Variants in RDH10 observed in about 807,000 individuals in gnomAD.
RDH10 encodes retinol dehydrogenase 10, also known as retinol dehydrogenase 10 (all-trans).
RDH10 carries 12 observed loss-of-function variants against 30.2 expected under a neutral mutation model. The ratio of observed to expected loss-of-function variants is 0.40; its 90% CI spans 0.25 to 0.64. The LOEUF is 0.64. Among genes scored for constraint, RDH10 ranks in the 30% least tolerant of loss-of-function variants. RDH10 has a pLI of 0.43. For synonymous variants in RDH10, 189 were observed against 172.2 expected, an observed-to-expected ratio of 1.10 and a Z score of -0.76; for missense variants, 268 against 445.2, an observed-to-expected ratio of 0.60 and a Z score of 3.58.
chr8:73,320,587 C>T (rs992037737), intron 3 of RDH10, among the ~76,000 whole-genome samples: 14 of 152,092 alleles, frequency 9.2e-5, no homozygotes, highest in African/African-American at 3.1e-4. Flanking sequence ...TCTCCTGCCT[C>T]AGCCTCCTGA....
rs922940333 is a variant in RDH10, at chr8:73,312,077, T to C, written c.526-7019T>C. Reference sequence around the variant, plus strand: ...TTGGTCAGTATACTTAATAAGTAGATACCTTTAGAGGTACTTTAGCCATAT... The same window carrying C: ...TTGGTCAGTATACTTAATAAGTAGACACCTTTAGAGGTACTTTAGCCATAT... On this transcript the variant is annotated intron_variant, in intron 2 of 5. Coordinates refer to ENST00000240285, the MANE Select transcript of RDH10 (RefSeq NM_172037.5). 5.9e-5 allele frequency: 9 copies of C among 152,338 alleles called. No individual in the cohort carries two copies. The East Asian group carries it at 1.3e-3, about 23-fold the overall frequency. 9.4% of individuals were successfully genotyped at this position (152,338 alleles called of 1,614,324 possible).
At chr8:73,295,765 C>G in intron 1 of RDH10, 187 bp downstream of exon 1, 1 of 933,826 alleles carries the variant, frequency 1.1e-6, no homozygotes, top group Non-Finnish European at 1.5e-6. Flanking sequence ...TCTGTATTAC[C>G]AGGGAGAAGG....
Position 73,295,271 on chromosome 8 carries a change from CG to C in RDH10, c.-15del. Reference sequence around the variant, plus strand: ...CGCGGACGCAGGCACTGGGCTCGTGCGGGGCCCCGGGCGTCGCGATGAACAT... The same window carrying C: ...CGCGGACGCAGGCACTGGGCTCGTGCGGGCCCCGGGCGTCGCGATGAACAT... On this transcript the variant is annotated 5_prime_UTR_variant, in exon 1 of 6. Transcript: ENST00000240285. The C allele has an allele frequency of 6.5e-7, 1 of 1,543,324 alleles. No homozygotes were observed. The highest frequency in any genetic ancestry group is 8.7e-7 in the Non-Finnish European group (1 of 1,148,560).
rs776033179 is a variant in RDH10 at position 73,297,236 on chromosome 8, A to C, written c.332A>C (p.Gln111Pro). The part of the protein sequence containing the change: ...EEEILPHCNL[Q>P]VFTYTCDVGK... ...GAAATTCTGCCCCACTGTAACTTGCAGGTTTTTACCTACACCTGTGACGTG... is the reference window on the plus strand; with the variant it reads ...GAAATTCTGCCCCACTGTAACTTGCCGGTTTTTACCTACACCTGTGACGTG... The change falls in exon 2 of 6, where the codon CAG (glutamine) becomes CCG (proline). Residue 111 changes from glutamine (Q) to proline (P), a missense_variant. Around this residue, in one of 4 missense-constraint regions of RDH10, gnomAD observed 46 missense variants for 36.7 expected, o/e 1.25. Transcript: ENST00000240285. 6.2e-7 allele frequency: 1 copy of C among 1,614,018 alleles called. No homozygotes were observed. Among genetic ancestry groups the C allele is most frequent in the East Asian group, 2.2e-5 (1 of 44,878 alleles).
At chr8:73,299,254 G>T (rs970503357) in intron 2 of RDH10, among the ~76,000 whole-genome samples, 1 of 152,174 alleles carries the variant, frequency 6.6e-6, no homozygotes, top group Non-Finnish European at 1.5e-5. Context: ...TGTGTGTTGT[G>T]TTCAGTGGGG....
chr8:73,317,023 TCTC>T, intron 2 of RDH10, among the ~76,000 whole-genome samples: 2 of 152,062 alleles, frequency 1.3e-5, no homozygotes, highest in Non-Finnish European at 2.9e-5. Flanking sequence ...TATCACTAGC[TCTC>T]CTCCACAGTG....
At position 73,322,793 on chromosome 8, in the gene RDH10, C is replaced by G. The variant is rs756117140; in HGVS notation, c.885C>G (p.Ile295Met). Reference protein sequence around the residue: ...PMICTPRLMYIVTFMKSILPF... With the variant: ...PMICTPRLMYMVTFMKSILPF... Reference sequence around the variant, plus strand: ...TCTGCACTCCCCGCCTCATGTACATCGTGACCTTCATGAAGAGGTAACTGG... The same window carrying G: ...TCTGCACTCCCCGCCTCATGTACATGGTGACCTTCATGAAGAGGTAACTGG... The change falls in exon 5 of 6, where the codon ATC (isoleucine) becomes ATG (methionine). Residue 295 changes from isoleucine to methionine, a missense_variant. Physicochemically the swap from Ile to Met is conservative, Grantham distance 10 (BLOSUM62 1). Around this residue, in one of 4 missense-constraint regions of RDH10, gnomAD observed 136 missense variants for 288.8 expected, o/e 0.47. Coordinates refer to ENST00000240285, the MANE Select transcript of RDH10 (RefSeq NM_172037.5). The G allele has an allele frequency of 3.7e-6, 6 of 1,614,088 alleles. No individual in the cohort carries two copies. The African/African-American group carries it at 6.7e-5, about 18-fold the overall frequency.
At position 73,310,209 on chromosome 8, in the gene RDH10, G is replaced by A. The variant is rs149047836; in HGVS notation, c.526-8887G>A. Among the ~76,000 whole-genome samples, 86 of 152,284 alleles carry A rather than the reference G, an allele frequency of 5.6e-4. 2 individuals carry two copies. Among genetic ancestry groups the A allele is most frequent in the African/African-American group, 2.0e-3 (83 of 41,558 alleles). ...ATACTTATTTTTGTTTTTTAACAATGCCTATCCCAATGTAGGTACCTCATA... is the reference window on the plus strand; with the variant it reads ...ATACTTATTTTTGTTTTTTAACAATACCTATCCCAATGTAGGTACCTCATA... On this transcript the variant is annotated intron_variant, in intron 2 of 5. Coordinates refer to ENST00000240285, the MANE Select transcript of RDH10 (RefSeq NM_172037.5).
chr8:73,307,573 A>G (rs1036664604), intron 2 of RDH10, among the ~76,000 whole-genome samples: 3 of 152,228 alleles, frequency 2.0e-5, no homozygotes, highest in Non-Finnish European at 4.4e-5. Context: ...AAATAGAGCC[A>G]CTATCCTCAT....
chr8:73,314,509 C>T (rs1214864440), intron 2 of RDH10, among the ~76,000 whole-genome samples: 1 of 152,240 alleles, frequency 6.6e-6, no homozygotes, highest in Non-Finnish European at 1.5e-5. Context: ...CCTTCGTGCT[C>T]AGTCACGTGT....
At chr8:73,314,058 T>C (rs1198052684) in intron 2 of RDH10, among the ~76,000 whole-genome samples, 1 of 152,262 alleles carries the variant, frequency 6.6e-6, no homozygotes, top group Non-Finnish European at 1.5e-5. Flanking sequence ...TATGTTCTTC[T>C]GACGACTCTT....
intron 3 of RDH10, among the ~76,000 whole-genome samples, chr8:73,319,749 T>C (rs1814733354): frequency 6.6e-6 from 1 of 152,198 alleles, no homozygotes; most frequent in Non-Finnish European, 1.5e-5. Flanking sequence ...TCACATTCGG[T>C]TGTGGTCACC....
At position 73,320,483 on chromosome 8, in the gene RDH10, T is replaced by G. The variant is rs1238931682; in HGVS notation, c.625-449T>G. ...TTTTTGTTTTTGTTTTTGTTTTTTTTTTTTTGAGACAGAGTCTCACTCTGT... is the reference window on the plus strand; with the variant it reads ...TTTTTGTTTTTGTTTTTGTTTTTTTGTTTTTGAGACAGAGTCTCACTCTGT... On this transcript the variant is annotated intron_variant, in intron 3 of 5. Coordinates refer to ENST00000240285, the MANE Select transcript of RDH10 (RefSeq NM_172037.5). Among the ~76,000 whole-genome samples, 519 of 145,718 alleles carry G rather than the reference T, an allele frequency of 3.6e-3. 2 individuals are homozygous for G. The highest frequency in any genetic ancestry group is 9.0e-3 in the African/African-American group (326 of 36,248).
intron 2 of RDH10, 38 bp from the exon 3 acceptor site, chr8:73,319,058 G>C (rs780773883): frequency 2.2e-6 from 3 of 1,381,916 alleles, no homozygotes; most frequent in Non-Finnish European, 2.0e-6. Flanking sequence ...TGAAATTCAT[G>C]AAATCAGTTC....
chr8:73,295,748 GATCACTTCT>G, intron 1 of RDH10, 170 bp downstream of exon 1: 1 of 933,820 alleles, frequency 1.1e-6, no homozygotes, highest in African/African-American at 1.8e-5. Flanking sequence ...AAAGGAACGC[GATCACTTCT>G]GTATTACCAG....
intron 2 of RDH10, among the ~76,000 whole-genome samples, chr8:73,317,564 G>A (rs968697665): frequency 3.9e-5 from 6 of 152,124 alleles, no homozygotes; most frequent in African/African-American, 9.7e-5. Context: ...ATTGGTGGGA[G>A]CACAGAAAAA....
intron 2 of RDH10, among the ~76,000 whole-genome samples, chr8:73,310,651 A>G (rs1351356812): frequency 6.6e-6 from 1 of 152,234 alleles, no homozygotes; most frequent in African/African-American, 2.4e-5. Context: ...AAAGAGATCA[A>G]TGACAGCCTG....
intron 1 of RDH10, chr8:73,295,882 G>A: frequency 8.3e-7 from 1 of 1,205,192 alleles, no homozygotes; most frequent in Non-Finnish European, 1.0e-6. Flanking sequence ...TGTTACCACA[G>A]GTTTGGATCC....
At chr8:73,315,598 T>C (rs1292698497) in intron 2 of RDH10, 1 of 455,774 alleles carries the variant, frequency 2.2e-6, no homozygotes, top group African/African-American at 2.0e-5. Flanking sequence ...GGATTAGTCA[T>C]TTAATACCTG....
Sources: gnomAD v4.1 joint callset for allele counts (sites outside exome capture counted in the v4.1 genomes callset) on GRCh38, gnomAD v4.1.1 for gene constraint, gnomAD v4.1.1 regional missense constraint, MANE v1.5 for transcripts, NCBI Gene and HGNC (gene_info 2026-07-23, HGNC 2026-07-21) for gene names.